The following GALNT13 variants were observed in gnomAD, a reference collection of about 807,000 sequenced individuals.
GALNT13 encodes the protein UDP-GalNAc:polypeptide N-acetylgalactosaminyltransferase 13.
GALNT13 carries 28 observed loss-of-function variants against 64.2 expected under a neutral mutation model. The ratio of observed to expected loss-of-function variants is 0.44; its 90% CI spans 0.32 to 0.60. The LOEUF (loss-of-function observed/expected upper bound fraction) is 0.60. Among genes scored for constraint, GALNT13 ranks in the 20% least tolerant of loss-of-function variants. The pLI is 0.05. For synonymous variants in GALNT13, 214 were observed against 224.6 expected (o/e 0.95, Z 0.42); for missense variants, 577 against 669.8 (o/e 0.86, Z 1.53).
At chr2:153,129,370 T>G in the GALNT13 span, among the ~76,000 whole-genome samples, 6 of 152,172 alleles carry the variant, frequency 3.9e-5, no homozygotes, top group Admixed American at 3.9e-4. Context: ...GCAAGCTAGA[T>G]GATTTCTAGA....
the GALNT13 span, among the ~76,000 whole-genome samples, chr2:153,814,550 GA>G: frequency 3.0e-4 from 45 of 152,156 alleles, no homozygotes; most frequent in African/African-American, 1.0e-3. Context: ...TGAGGAAACA[GA>G]AATAGACTCC....
At chr2:153,744,875 G>A in the GALNT13 span, among the ~76,000 whole-genome samples, 1 of 152,122 alleles carries the variant, frequency 6.6e-6, no homozygotes, top group East Asian at 1.9e-4. Context: ...CTTCCCAGGT[G>A]AGGTGAGGTG....
chr2:153,120,446 A>G, the GALNT13 span, among the ~76,000 whole-genome samples: 2 of 152,114 alleles, frequency 1.3e-5, no homozygotes, highest in Non-Finnish European at 2.9e-5. Flanking sequence ...CTTGACTGTG[A>G]TTTGTCTTTA....
At chr2:154,138,262 C>T (rs1033865555) in intron 3 of GALNT13, among the ~76,000 whole-genome samples, 5 of 151,952 alleles carry the variant, frequency 3.3e-5, no homozygotes, top group Non-Finnish European at 7.4e-5. Flanking sequence ...TCTGAAGACT[C>T]CTGTGTACAC....
chr2:154,272,174 G>C (rs1691390382), intron 8 of GALNT13, among the ~76,000 whole-genome samples: 1 of 151,892 alleles, frequency 6.6e-6, no homozygotes, highest in African/African-American at 2.4e-5. Context: ...AATTGAGAAA[G>C]TTTTTCTGTC....
chr2:153,679,844 C>G, the GALNT13 span, among the ~76,000 whole-genome samples: 2 of 151,838 alleles, frequency 1.3e-5, no homozygotes, highest in African/African-American at 4.8e-5. Flanking sequence ...TCTCCTCTCT[C>G]CAGAGGCCAT....
chr2:153,289,966 A>C, the GALNT13 span, among the ~76,000 whole-genome samples: 1 of 152,186 alleles, frequency 6.6e-6, no homozygotes, highest in Non-Finnish European at 1.5e-5. Context: ...TGGCTACCTC[A>C]TTTACCAGTT....
intron 2 of GALNT13, among the ~76,000 whole-genome samples, chr2:153,924,388 T>C (rs1354905989): frequency 6.6e-6 from 1 of 152,058 alleles, no homozygotes; most frequent in Non-Finnish European, 1.5e-5. Flanking sequence ...CAGGACATGA[T>C]CTCATTCCTT....
rs141651269 is a variant in GALNT13, at chr2:154,280,393, G to T, written c.976-21016G>T. On this transcript the variant is annotated intron_variant, in intron 8 of 12. Transcript: ENST00000392825. ...AGTAATTGGCTAATATATATTTGCT[G>T]AATATATGCCAGCCAGGATCTTAGA... 2.9e-3 allele frequency among the ~76,000 whole-genome samples: 436 copies of T among 152,222 alleles called. 2 individuals are homozygous for T. The highest frequency in any genetic ancestry group is 9.9e-3 in the African/African-American group (411 of 41,548).
At chr2:153,609,970 T>G in the GALNT13 span, among the ~76,000 whole-genome samples, 1 of 152,140 alleles carries the variant, frequency 6.6e-6, no homozygotes, top group East Asian at 1.9e-4. Flanking sequence ...TATGTTTATT[T>G]GTGCACTACA....
chr2:153,368,656 A>T, the GALNT13 span, among the ~76,000 whole-genome samples: 1 of 152,180 alleles, frequency 6.6e-6, no homozygotes, highest in African/African-American at 2.4e-5. Context: ...CTAACACCAG[A>T]GCTTCTAAAT....
chr2:154,233,666 C>A (rs1337119239), intron 4 of GALNT13, among the ~76,000 whole-genome samples: 1 of 152,108 alleles, frequency 6.6e-6, no homozygotes, highest in Admixed American at 6.6e-5. Flanking sequence ...CAAATGTTAG[C>A]CATTTATAAC....
chr2:154,201,897 T>A (rs991359416), intron 4 of GALNT13, among the ~76,000 whole-genome samples: 5 of 152,170 alleles, frequency 3.3e-5, no homozygotes, highest in African/African-American at 1.2e-4. Context: ...GACAGCACCA[T>A]CTTTGATTCT....
chr2:153,192,488 G>A, the GALNT13 span, among the ~76,000 whole-genome samples: 1 of 152,048 alleles, frequency 6.6e-6, no homozygotes, highest in African/African-American at 2.4e-5. Flanking sequence ...TTTATGAGTT[G>A]TTCTGTAAAT....
chr2:153,620,158 C>A, the GALNT13 span, among the ~76,000 whole-genome samples: 6 of 152,012 alleles, frequency 3.9e-5, no homozygotes, highest in African/African-American at 1.2e-4. Flanking sequence ...GATTCTCATT[C>A]TGTCACCCAG....
At chr2:154,313,326 A>ACAC (rs1694149673) in intron 9 of GALNT13, among the ~76,000 whole-genome samples, 1 of 148,286 alleles carries the variant, frequency 6.7e-6, no homozygotes, top group South Asian at 2.1e-4. Flanking sequence ...GATTTCATAC[A>ACAC]TATACACACT....
chr2:154,346,837 T>C (rs1053291446), intron 9 of GALNT13, among the ~76,000 whole-genome samples: 4 of 152,074 alleles, frequency 2.6e-5, no homozygotes, highest in Non-Finnish European at 5.9e-5. Context: ...CTAGATTCTC[T>C]CCTAGACCCT....
intron 8 of GALNT13, among the ~76,000 whole-genome samples, chr2:154,266,171 T>C (rs1690987845): frequency 6.6e-6 from 1 of 152,176 alleles, no homozygotes; most frequent in Admixed American, 6.5e-5. Flanking sequence ...CCTACACATA[T>C]TTAATGTTAA....
chr2:153,161,345 A>G, the GALNT13 span, among the ~76,000 whole-genome samples: 1 of 152,220 alleles, frequency 6.6e-6, no homozygotes, highest in African/African-American at 2.4e-5. Context: ...TCTAGACACC[A>G]AGGATACAGC....
Sources: gnomAD v4.1 joint callset for allele counts (sites outside exome capture counted in the v4.1 genomes callset) on GRCh38, gnomAD v4.1.1 for gene constraint, MANE v1.5 for transcripts, NCBI Gene and HGNC (gene_info 2026-07-23, HGNC 2026-07-21) for gene names.